Variants in CAPRIN1 observed in about 807,000 individuals in gnomAD.
CAPRIN1 encodes cell cycle associated protein 1, also known as caprin-1.
In CAPRIN1, 29 loss-of-function variants were observed where a neutral mutation model predicts 100.9. The ratio of observed to expected loss-of-function variants is 0.29; its 90% CI spans 0.21 to 0.39. The LOEUF is 0.39. CAPRIN1 is among the 10% of genes least tolerant of loss of function. CAPRIN1 has a pLI of 1.00. For synonymous variants in CAPRIN1, 338 were observed against 307.5 expected (o/e 1.10, Z -1.04); for missense variants, 795 against 876.7 (o/e 0.91, Z 1.18).
intron 12 of CAPRIN1, 40 bp downstream of exon 12, chr11:34,089,496 G>T: frequency 8.2e-7 from 1 of 1,223,690 alleles, no homozygotes; most frequent in African/African-American, 1.5e-5. Flanking sequence ...GCCAGGTTAG[G>T]TGGCTCGTAC....
At chr11:34,057,031 CTG>C (rs1850465241) in intron 2 of CAPRIN1, among the ~76,000 whole-genome samples, 1 of 152,104 alleles carries the variant, frequency 6.6e-6, no homozygotes, top group South Asian at 2.1e-4. Context: ...TGCAGTGTGT[CTG>C]TGCTTAGAAT....
chr11:34,095,405 T>C (rs922634230), intron 15 of CAPRIN1, among the ~76,000 whole-genome samples: 1 of 152,248 alleles, frequency 6.6e-6, no homozygotes, highest in African/African-American at 2.4e-5. Context: ...ATGACACCGA[T>C]GTAGTTGGTT....
chr11:34,090,169 T>A lies in CAPRIN1; in HGVS notation c.1294-10T>A. The A allele has an allele frequency of 6.4e-7, 1 of 1,564,732 alleles. No individual in the cohort carries two copies. The highest frequency in any genetic ancestry group is 8.8e-7 in the Non-Finnish European group (1 of 1,138,536). Reference sequence around the variant, plus strand: ...CAGGAAGAAGCTTTTATTTCTTTACTTATGTCTAGGTTCCTTTGGTATCAT... The same window carrying A: ...CAGGAAGAAGCTTTTATTTCTTTACATATGTCTAGGTTCCTTTGGTATCAT... On this transcript the variant is annotated splice_polypyrimidine_tract_variant and intron_variant, in intron 12 of 18. Transcript: ENST00000341394.
chr11:34,080,928 T>C (rs1480846702), intron 7 of CAPRIN1, among the ~76,000 whole-genome samples: 2 of 152,202 alleles, frequency 1.3e-5, no homozygotes, highest in Non-Finnish European at 2.9e-5. Flanking sequence ...TTTTTCCCCC[T>C]CTTACCACTT....
At chr11:34,070,242 A>C (rs2134102016) in intron 2 of CAPRIN1, among the ~76,000 whole-genome samples, 1 of 152,342 alleles carries the variant, frequency 6.6e-6, no homozygotes, top group South Asian at 2.1e-4. Flanking sequence ...ATGGGATCTT[A>C]AACCAGATGT....
At chr11:34,073,005 T>C (rs908128790) in intron 4 of CAPRIN1, among the ~76,000 whole-genome samples, 2 of 152,208 alleles carry the variant, frequency 1.3e-5, no homozygotes, top group South Asian at 4.1e-4. Flanking sequence ...TGTAGTAGAT[T>C]GTACTATCTA....
chr11:34,085,246 G>T (rs1375038638), intron 9 of CAPRIN1, among the ~76,000 whole-genome samples: 3 of 152,176 alleles, frequency 2.0e-5, no homozygotes, highest in Admixed American at 2.0e-4. Context: ...GGCTAATAGA[G>T]TGAGCTTTGG....
chr11:34,086,198 G>T lies in CAPRIN1; in HGVS notation c.1101G>T (p.Gln367His). Residue 367 changes from glutamine to histidine, a missense_variant, in exon 10 of 19, where the codon CAG (glutamine) becomes CAT (histidine). Gln to His is a conservative substitution (Grantham distance 24, BLOSUM62 0). This residue lies in a region of CAPRIN1 where 648 missense variants were observed against 697.9 expected (regional missense o/e 0.93). Coordinates refer to ENST00000341394, the MANE Select transcript of CAPRIN1 (RefSeq NM_005898.5). ...TACAAGACCTTATGGCACAAATGCA[G>T]GGTCCCTATAATTTCATACAGGTAT... ...QRVQDLMAQM[Q>H]GPYNFIQDSM... 6.2e-7 allele frequency: 1 copy of T among 1,614,056 alleles called. No individual in the cohort carries two copies. The highest frequency in any genetic ancestry group is 8.5e-7 in the Non-Finnish European group (1 of 1,179,940).
chr11:34,064,139 G>A (rs1850638959), intron 2 of CAPRIN1, among the ~76,000 whole-genome samples: 1 of 152,096 alleles, frequency 6.6e-6, no homozygotes, highest in Non-Finnish European at 1.5e-5. Flanking sequence ...TATTTTATTT[G>A]TTTCATGAGT....
chr11:34,092,148 C>G, intron 15 of CAPRIN1, 92 bp downstream of exon 15: 1 of 1,274,794 alleles, frequency 7.8e-7, no homozygotes, highest in Non-Finnish European at 1.1e-6. Flanking sequence ...GTGGTGGTGT[C>G]CAAGAGTTTC....
intron 2 of CAPRIN1, among the ~76,000 whole-genome samples, chr11:34,065,987 C>T (rs1269325608): frequency 1.3e-5 from 2 of 152,078 alleles, no homozygotes; most frequent in Non-Finnish European, 2.9e-5. Context: ...TATGGATGAC[C>T]TGTAGTTTCT....
rs1330882521 is a variant in CAPRIN1, at chr11:34,089,444, A to T, written c.1281A>T (p.Pro427=). ...LAQPNQVPVQ[P]EATQVPLVSS... is the part of the protein sequence containing the mutation. ...AGCCTAATCAAGTTCCTGTACAACC[A>T]GAAGCGACACAGGTAAGAGTGATAA... The change falls in exon 12 of 19, where the codon CCA becomes CCT. Residue 427 remains proline, a synonymous_variant. Transcript: ENST00000341394. The T allele has an allele frequency of 5.0e-6, 8 of 1,603,332 alleles. No homozygotes were observed. The highest frequency in any genetic ancestry group is 6.0e-6 in the Non-Finnish European group (7 of 1,171,184).
At position 34,052,464 on chromosome 11, in the gene CAPRIN1, C is replaced by G. The variant is rs778849492; in HGVS notation, c.44C>G (p.Ser15Cys). The change falls in exon 2 of 19, where the codon TCC becomes TGC. Residue 15 changes from serine (S) to cysteine (C), a missense_variant. By Grantham distance (112) the Ser-to-Cys change is moderately radical. Around this residue, in one of 3 missense-constraint regions of CAPRIN1, gnomAD observed 109 missense variants for 86.6 expected, o/e 1.26. Coordinates refer to ENST00000341394, the MANE Select transcript of CAPRIN1 (RefSeq NM_005898.5). ...CACAGCGGGAGCGGCAGCAAGTCGT[C>G]CGGACCGCCACCGCCGTCGGGTTCC... ...TSHSGSGSKSSGPPPPSGSSG... is the reference protein window; with the variant it reads ...TSHSGSGSKSCGPPPPSGSSG... The G allele has an allele frequency of 3.2e-5, 51 of 1,607,412 alleles. No individual in the cohort carries two copies. Among genetic ancestry groups the G allele is most frequent in the Non-Finnish European group, 4.2e-5 (50 of 1,178,726 alleles).
At chr11:34,073,129 C>T (rs1285554389) in intron 4 of CAPRIN1, among the ~76,000 whole-genome samples, 2 of 152,114 alleles carry the variant, frequency 1.3e-5, no homozygotes, top group East Asian at 1.9e-4. Context: ...CTCTAATTTG[C>T]TGAAACAAAA....
rs533408826 is a variant in CAPRIN1, at chr11:34,069,350, G to A, written c.217-2376G>A. ...TTTTTGGTAGAGACGGGGTTTCACA[G>A]TGTTGGCCAGGCTGGTCTTGAACTC... On this transcript the variant is annotated intron_variant, in intron 2 of 18. Transcript: ENST00000341394. Among the ~76,000 whole-genome samples, 39 of 151,940 alleles carry A rather than the reference G, an allele frequency of 2.6e-4. No individual in the cohort carries two copies. In the East Asian group the frequency reaches 5.4e-3, roughly 21 times the overall value.
intron 2 of CAPRIN1, among the ~76,000 whole-genome samples, chr11:34,060,806 A>G (rs997170526): frequency 1.2e-4 from 19 of 152,186 alleles, no homozygotes; most frequent in Non-Finnish European, 2.9e-5. Flanking sequence ...TAATTTTTTT[A>G]CATTTAACTC....
intron 11 of CAPRIN1, among the ~76,000 whole-genome samples, chr11:34,087,618 C>G (rs1419250083): frequency 8.2e-6 from 1 of 122,684 alleles, no homozygotes; most frequent in Non-Finnish European, 1.8e-5. Context: ...CAGGCGTGAG[C>G]CACCGCGCCC....
chr11:34,097,270 C>G lies in CAPRIN1; in HGVS notation c.1975C>G (p.Pro659Ala). ...TTATACACAGTCTCAGTTCAGTGCT[C>G]CCCGGGATTACTCTGGCTATCAACG... ...SGYTQSQFSAPRDYSGYQRDG... is the reference protein window; with the variant it reads ...SGYTQSQFSAARDYSGYQRDG... The change falls in exon 17 of 19, where the codon CCC (proline) becomes GCC (alanine). Residue 659 changes from proline (P) to alanine (A), a missense_variant. Around this residue, in one of 3 missense-constraint regions of CAPRIN1, gnomAD observed 648 missense variants for 697.9 expected, o/e 0.93. Transcript: ENST00000341394. 6.2e-7 allele frequency: 1 copy of G among 1,613,274 alleles called. No homozygotes were observed. The highest frequency in any genetic ancestry group is 1.3e-5 in the African/African-American group (1 of 75,018).
At chr11:34,069,722 G>A (rs1198754941) in intron 2 of CAPRIN1, among the ~76,000 whole-genome samples, 1 of 151,818 alleles carries the variant, frequency 6.6e-6, no homozygotes. Context: ...CTTATAGATG[G>A]TGTGAAATAG....
Sources: allele counts gnomAD v4.1 joint callset (sites outside exome capture counted in the v4.1 genomes callset), GRCh38; gene constraint gnomAD v4.1.1; regional missense constraint gnomAD v4.1.1; transcripts MANE v1.5; gene names NCBI Gene and HGNC (gene_info 2026-07-23, HGNC 2026-07-21).